Variants in DOCK2 observed in about 807,000 individuals in gnomAD.
DOCK2 encodes the protein dedicator of cytokinesis protein 2.
In DOCK2, 87 loss-of-function variants were observed where a neutral mutation model predicts 248.9. The observed-to-expected ratio is 0.35, with a 90% confidence interval of 0.29 to 0.42. The LOEUF is 0.42. DOCK2 is among the 10% of genes least tolerant of loss of function. The pLI is 1.00. For missense variants in DOCK2, 1,747 were observed against 2,300.2 expected, an observed-to-expected ratio of 0.76 and a Z score of 4.92; for synonymous variants, 805 against 821.6, an observed-to-expected ratio of 0.98 and a Z score of 0.35.
At chr5:169,719,071 T>G (rs896522202) in intron 22 of DOCK2, among the ~76,000 whole-genome samples, 8 of 152,240 alleles carry the variant, frequency 5.3e-5, no homozygotes, top group African/African-American at 1.7e-4. Context: ...TCATTTGATT[T>G]GAAATATGGT....
intron 25 of DOCK2, among the ~76,000 whole-genome samples, chr5:169,791,863 C>T (rs73322072): frequency 3.3e-4 from 51 of 152,308 alleles, no homozygotes; most frequent in African/African-American, 1.2e-3. Flanking sequence ...ATATCTCTCA[C>T]AATTAATATT....
intron 27 of DOCK2, among the ~76,000 whole-genome samples, chr5:169,944,085 C>T (rs1776353085): frequency 1.3e-5 from 2 of 152,170 alleles, no homozygotes; most frequent in South Asian, 4.1e-4. Flanking sequence ...AAGCACTTTA[C>T]CTGGATTATG....
chr5:169,798,535 G>A (rs6892041), intron 25 of DOCK2, among the ~76,000 whole-genome samples: 6 of 152,028 alleles, frequency 3.9e-5, no homozygotes, highest in African/African-American at 1.4e-4. Context: ...CAACTAGAGT[G>A]CTAACAGAAT....
intron 31 of DOCK2, 33 bp from the exon 32 acceptor site, chr5:170,008,655 G>A: frequency 6.2e-7 from 1 of 1,614,038 alleles, no homozygotes. Flanking sequence ...CCTCTGAGAT[G>A]GTGCCTGAAG....
chr5:169,702,837 C>T (rs929986480), intron 14 of DOCK2, among the ~76,000 whole-genome samples: 4 of 152,064 alleles, frequency 2.6e-5, no homozygotes, highest in African/African-American at 4.8e-5. Context: ...GTGCCTTGGG[C>T]TGGTGTGGAG....
chr5:169,890,056 T>C (rs533907949), intron 27 of DOCK2, among the ~76,000 whole-genome samples: 1 of 152,348 alleles, frequency 6.6e-6, no homozygotes, highest in East Asian at 1.9e-4. Context: ...TATCCCTGTT[T>C]TAAAGAAGAC....
intron 22 of DOCK2, among the ~76,000 whole-genome samples, chr5:169,742,511 G>T (rs1369379089): frequency 2.6e-5 from 4 of 152,134 alleles, no homozygotes; most frequent in Non-Finnish European, 5.9e-5. Flanking sequence ...GGAATCGGAG[G>T]GATGGATGCC....
intron 15 of DOCK2, 62 bp from the exon 16 acceptor site, chr5:169,711,873 G>A (rs1255455628): frequency 1.9e-6 from 3 of 1,575,984 alleles, no homozygotes; most frequent in Non-Finnish European, 1.7e-6. Context: ...AGTGTGTAGG[G>A]GGGTGCAGTG....
At chr5:170,077,382 A>T (rs760228992) in intron 47 of DOCK2, among the ~76,000 whole-genome samples, 1 of 152,228 alleles carries the variant, frequency 6.6e-6, no homozygotes, top group African/African-American at 2.4e-5. Flanking sequence ...ATAATCATAG[A>T]GCTGGTCTTT....
intron 27 of DOCK2, among the ~76,000 whole-genome samples, chr5:169,874,575 T>G (rs923971975): frequency 5.9e-5 from 9 of 152,090 alleles, no homozygotes; most frequent in African/African-American, 2.2e-4. Flanking sequence ...GGGAATGTAG[T>G]GGTAATGGTC....
intron 25 of DOCK2, among the ~76,000 whole-genome samples, chr5:169,794,232 G>A (rs1208696872): frequency 1.3e-5 from 2 of 152,074 alleles, no homozygotes; most frequent in East Asian, 1.9e-4. Flanking sequence ...ATAGGATTGA[G>A]TTCAAAAGTT....
Position 169,960,918 on chromosome 5 carries a change from A to G in DOCK2, c.2800-22150A>G, listed in dbSNP as rs151099247. On this transcript the variant is annotated intron_variant, in intron 27 of 51. Coordinates refer to ENST00000520908, the MANE Select transcript of DOCK2 (RefSeq NM_004946.3). ...CATGCATAGGAAAAAATCATAGTAT[A>G]TATAGGGTTCAGTATAGGCTATGAA... Among the ~76,000 whole-genome samples the G allele has an allele frequency of 1.5e-3, 232 of 152,334 alleles. 2 individuals are homozygous for G. The highest frequency in any genetic ancestry group is 5.4e-3 in the African/African-American group (223 of 41,570).
At position 170,055,376 on chromosome 5, in the gene DOCK2, C is replaced by A; in HGVS notation, c.4285C>A (p.Gln1429Lys). ...PRFKNKPVPD[Q>K]IINFYKSNYV... Reference sequence around the variant, plus strand: ...GTTCAAGAATAAGCCAGTGCCTGACCAGATTATAAAGTAAGACTCGTTGTC... The same window carrying A: ...GTTCAAGAATAAGCCAGTGCCTGACAAGATTATAAAGTAAGACTCGTTGTC... The change falls in exon 42 of 52, where the codon CAG becomes AAG. Residue 1429 changes from glutamine to lysine, a missense_variant. Gln to Lys is a moderately conservative substitution (Grantham distance 53, BLOSUM62 1). Transcript: ENST00000520908. 1 of 1,613,990 alleles carries A rather than the reference C, an allele frequency of 6.2e-7. No homozygotes were observed. Among genetic ancestry groups the A allele is most frequent in the Non-Finnish European group, 8.5e-7 (1 of 1,179,858 alleles).
At chr5:169,691,879 T>C (rs1050919030) in intron 9 of DOCK2, among the ~76,000 whole-genome samples, 4 of 151,116 alleles carry the variant, frequency 2.6e-5, no homozygotes, top group Non-Finnish European at 5.9e-5. Context: ...TTTTTTGAGA[T>C]GGAGTCTTGC....
At chr5:169,905,665 A>G (rs1337505544) in intron 27 of DOCK2, among the ~76,000 whole-genome samples, 1 of 152,140 alleles carries the variant, frequency 6.6e-6, no homozygotes, top group Non-Finnish European at 1.5e-5. Flanking sequence ...GGGACTGGAC[A>G]AACCATCCAG....
chr5:169,673,325 C>G lies in DOCK2; in HGVS notation c.322-972C>G, dbSNP rs73798818. ...AATAACAAAATACATTCTTATCACT[C>G]TGGTCATTGCAGGAGTTTTAGGAGC... On this transcript the variant is annotated intron_variant, in intron 5 of 51. Coordinates refer to ENST00000520908, the MANE Select transcript of DOCK2 (RefSeq NM_004946.3). Among the ~76,000 whole-genome samples the G allele has an allele frequency of 6.7e-3, 1,023 of 152,086 alleles. 15 individuals are homozygous for G. The highest frequency in any genetic ancestry group is 0.023 in the African/African-American group (963 of 41,468).
At chr5:169,904,647 C>T (rs1416664328) in intron 27 of DOCK2, among the ~76,000 whole-genome samples, 3 of 152,180 alleles carry the variant, frequency 2.0e-5, no homozygotes, top group African/African-American at 4.8e-5. Context: ...GTGAGGGCCC[C>T]GCAGTCCTTT....
At chr5:170,075,503 T>A (rs1757808652) in intron 46 of DOCK2, 1 of 160,086 alleles carries the variant, frequency 6.2e-6, no homozygotes, top group African/African-American at 2.4e-5. Context: ...CTCCTCTGTT[T>A]TCTCTCAGCT....
chr5:169,887,819 A>G (rs1773057977), intron 27 of DOCK2, among the ~76,000 whole-genome samples: 1 of 152,192 alleles, frequency 6.6e-6, no homozygotes, highest in Non-Finnish European at 1.5e-5. Context: ...TCATCCTTCT[A>G]TGAAGTTCTA....
Sources: allele counts gnomAD v4.1 joint callset (sites outside exome capture counted in the v4.1 genomes callset), GRCh38; gene constraint gnomAD v4.1.1; transcripts MANE v1.5; gene names NCBI Gene and HGNC (gene_info 2026-07-23, HGNC 2026-07-21).